The following CELF2 variants were observed in gnomAD, a reference collection of about 807,000 sequenced individuals.
The protein encoded by CELF2 is CUG triplet repeat RNA-binding protein 2.
CELF2 carries 8 observed loss-of-function variants against 62.6 expected under a neutral mutation model. That is an observed-to-expected ratio of 0.13 (90% CI 0.07 to 0.23). The LOEUF is 0.23. Among genes scored for constraint, CELF2 ranks in the 10% least tolerant of loss-of-function variants. The pLI, the probability that CELF2 is intolerant of heterozygous loss-of-function variation, is 1.00. For synonymous variants in CELF2, 258 were observed against 250.0 expected, an observed-to-expected ratio of 1.03 and a Z score of -0.30; for missense variants, 333 against 671.0, an observed-to-expected ratio of 0.50 and a Z score of 5.56.
intron 1 of CELF2, among the ~76,000 whole-genome samples, chr10:10,834,841 C>A (rs1177431106): frequency 6.6e-6 from 1 of 152,158 alleles, no homozygotes; most frequent in Non-Finnish European, 1.5e-5. Flanking sequence ...CAGCAGGCAG[C>A]CTTCATGGTG....
chr10:10,532,865 C>A, the CELF2 span, among the ~76,000 whole-genome samples: 2 of 141,072 alleles, frequency 1.4e-5, no homozygotes, highest in Admixed American at 1.5e-4. Flanking sequence ...AAGCTATCCT[C>A]TTCTCAAAGA....
chr10:10,721,052 G>A, the CELF2 span, among the ~76,000 whole-genome samples: 1 of 152,194 alleles, frequency 6.6e-6, no homozygotes, highest in Non-Finnish European at 1.5e-5. Flanking sequence ...AATTTGGTGT[G>A]GGTAAAGCAC....
chr10:11,251,111 A>G (rs1482148407), intron 4 of CELF2, among the ~76,000 whole-genome samples: 1 of 151,932 alleles, frequency 6.6e-6, no homozygotes, highest in African/African-American at 2.4e-5. Context: ...GATACTCTAA[A>G]CTGTATTTAG....
chr10:11,175,624 A>T (rs1027247123), intron 2 of CELF2, among the ~76,000 whole-genome samples: 3 of 152,188 alleles, frequency 2.0e-5, no homozygotes, highest in African/African-American at 7.2e-5. Context: ...AGTCCCCAGG[A>T]GGGGGCCTCC....
At chr10:11,276,779 T>C (rs2086293014) in intron 8 of CELF2, among the ~76,000 whole-genome samples, 1 of 152,208 alleles carries the variant, frequency 6.6e-6, no homozygotes, top group Non-Finnish European at 1.5e-5. Context: ...CAGCGTGCCC[T>C]GTCATCTTTC....
chr10:10,856,091 T>C (rs2059687984), intron 1 of CELF2, among the ~76,000 whole-genome samples: 1 of 152,120 alleles, frequency 6.6e-6, no homozygotes, highest in South Asian at 2.1e-4. Flanking sequence ...AATTTAGAAA[T>C]GCAAGACTGA....
chr10:11,005,944 A>T lies in CELF2; in HGVS notation c.53+504A>T, dbSNP rs1246196947. On this transcript the variant is annotated intron_variant, in intron 1 of 12. Coordinates refer to the CELF2 transcript ENST00000416382. The surrounding 1 kb of genome is among the most constrained non-coding windows in gnomAD (Gnocchi z 4.3). ...TTGGATCACTTTATCCTGTTTGCCA[A>T]AATGTGTACCCGTTTGGAGACCTCT... is the stretch of plus-strand genomic sequence containing the variant. Among the ~76,000 whole-genome samples the T allele has an allele frequency of 6.6e-6, 1 of 152,164 alleles. No individual in the cohort carries two copies. Among genetic ancestry groups the T allele is most frequent in the Admixed American group, 6.5e-5 (1 of 15,282 alleles).
the CELF2 span, among the ~76,000 whole-genome samples, chr10:10,719,717 G>C: frequency 0.03 from 4,570 of 152,068 alleles, 185 homozygotes; most frequent in African/African-American, 0.093. Flanking sequence ...TAACCTCTCT[G>C]TGCCTCATCT....
intron 2 of CELF2, among the ~76,000 whole-genome samples, chr10:10,975,172 CA>C (rs2051183897): frequency 6.6e-6 from 1 of 152,178 alleles, no homozygotes. Flanking sequence ...GTCTGCAGTG[CA>C]ATGGTGCAAT....
intron 1 of CELF2, among the ~76,000 whole-genome samples, chr10:10,861,458 G>A (rs1591298274): frequency 1.3e-5 from 2 of 152,276 alleles, no homozygotes; most frequent in East Asian, 3.9e-4. Context: ...ATAGTATGGA[G>A]GCAGCCTCAG....
intron 1 of CELF2, among the ~76,000 whole-genome samples, chr10:10,869,484 C>T (rs2060596202): frequency 6.6e-6 from 1 of 151,990 alleles, no homozygotes. Context: ...ATCCCTTGAA[C>T]CCAGAAGGCA....
At chr10:10,784,044 G>A in the CELF2 span, among the ~76,000 whole-genome samples, 32 of 151,982 alleles carry the variant, frequency 2.1e-4, no homozygotes, top group Non-Finnish European at 4.4e-4. Flanking sequence ...CTGACTTTGA[G>A]TCAACTGGGG....
the CELF2 span, among the ~76,000 whole-genome samples, chr10:10,583,311 C>A: frequency 8.5e-5 from 13 of 152,060 alleles, no homozygotes; most frequent in Admixed American, 7.9e-4. Flanking sequence ...TCTATGTGTC[C>A]TCAGGGCATT....
chr10:10,518,220 G>T, the CELF2 span, among the ~76,000 whole-genome samples: 3 of 152,146 alleles, frequency 2.0e-5, no homozygotes, highest in Non-Finnish European at 4.4e-5. Context: ...CTTAATCTTT[G>T]TTTATTTCCC....
At chr10:11,299,466 C>A (rs58800691) in intron 9 of CELF2, among the ~76,000 whole-genome samples, 1 of 152,160 alleles carries the variant, frequency 6.6e-6, no homozygotes, top group Non-Finnish European at 1.5e-5. Context: ...CCCCAACCCC[C>A]CCCAGGAAGG....
the CELF2 span, among the ~76,000 whole-genome samples, chr10:10,775,266 A>G: frequency 1.3e-5 from 2 of 152,158 alleles, no homozygotes; most frequent in African/African-American, 4.8e-5. Flanking sequence ...AGGCCCTGAC[A>G]GAGGAACAAC....
chr10:10,881,202 T>G (rs2061418331), intron 1 of CELF2, among the ~76,000 whole-genome samples: 1 of 152,210 alleles, frequency 6.6e-6, no homozygotes, highest in African/African-American at 2.4e-5. Context: ...TTCTTGCTTT[T>G]GATTCATCTC....
the CELF2 span, among the ~76,000 whole-genome samples, chr10:10,745,203 G>C: frequency 6.6e-6 from 1 of 151,850 alleles, no homozygotes; most frequent in African/African-American, 2.4e-5. Flanking sequence ...TGGCCTACTT[G>C]TGATTTTCTG....
chr10:11,005,452 T>C lies in CELF2; in HGVS notation c.53+12T>C. The C allele has an allele frequency of 6.2e-7, 1 of 1,613,864 alleles. No homozygotes were observed. The highest frequency in any genetic ancestry group is 8.5e-7 in the Non-Finnish European group (1 of 1,179,802). On this transcript the variant is annotated intron_variant, in intron 1 of 12. Coordinates refer to the CELF2 transcript ENST00000416382. The surrounding 1 kb of genome is among the most constrained non-coding windows in gnomAD (Gnocchi z 4.3). Reference sequence around the variant, plus strand: ...GAGCTGCTTTTAAGGTATGTTGTTGTGTCCTTTGTTTTTAATGCACGCTTT... The same window carrying C: ...GAGCTGCTTTTAAGGTATGTTGTTGCGTCCTTTGTTTTTAATGCACGCTTT...
Sources: gnomAD v4.1 joint callset for allele counts (sites outside exome capture counted in the v4.1 genomes callset) on GRCh38, gnomAD v4.1.1 for gene constraint, Gnocchi (gnomAD v3.1) non-coding constraint, MANE v1.5 for transcripts, NCBI Gene and HGNC (gene_info 2026-07-23, HGNC 2026-07-21) for gene names.